AKAP19: variants seen among roughly 807,000 people sequenced by gnomAD.
The protein encoded by AKAP19 is A-kinase anchoring protein 19.
the AKAP19 span, among the ~76,000 whole-genome samples, chr2:190,192,450 A>ATG: frequency 3.2e-5 from 3 of 93,784 alleles, no homozygotes; most frequent in East Asian, 2.7e-4. Context: ...ATAATTCAGA[A>ATG]TCTGTGTGTG....
At chr2:189,943,722 G>C in the AKAP19 span, among the ~76,000 whole-genome samples, 1 of 152,214 alleles carries the variant, frequency 6.6e-6, no homozygotes, top group Non-Finnish European at 1.5e-5. Context: ...AGCCACAGAG[G>C]TGGAGCTCCC....
the AKAP19 span, among the ~76,000 whole-genome samples, chr2:189,941,441 T>C: frequency 6.6e-6 from 1 of 152,186 alleles, no homozygotes; most frequent in Admixed American, 6.5e-5. Flanking sequence ...TATAAAAATA[T>C]GTAAACTGAG....
At chr2:190,071,240 G>A in the AKAP19 span, among the ~76,000 whole-genome samples, 1 of 152,272 alleles carries the variant, frequency 6.6e-6, no homozygotes, top group East Asian at 1.9e-4. Flanking sequence ...TTGAGGCCAG[G>A]AGTTCAAGAC....
chr2:190,012,012 G>T, the AKAP19 span, among the ~76,000 whole-genome samples: 1 of 151,958 alleles, frequency 6.6e-6, no homozygotes, highest in Non-Finnish European at 1.5e-5. Flanking sequence ...TTAATCTGTA[G>T]ATCACTTTGG....
the AKAP19 span, among the ~76,000 whole-genome samples, chr2:189,984,058 G>T: frequency 6.6e-6 from 1 of 152,178 alleles, no homozygotes; most frequent in East Asian, 1.9e-4. Context: ...GAGGCAGGAC[G>T]AGATCACAGG....
At chr2:190,074,043 GAA>G in the AKAP19 span, among the ~76,000 whole-genome samples, 21 of 118,038 alleles carry the variant, frequency 1.8e-4, no homozygotes, top group African/African-American at 5.1e-4. Flanking sequence ...TTCCGTCTCA[GAA>G]AAAAAAAAAA....
chr2:190,192,222 A>G, the AKAP19 span, among the ~76,000 whole-genome samples: 2 of 151,972 alleles, frequency 1.3e-5, no homozygotes, highest in South Asian at 2.1e-4. Context: ...TCCTTTTTGC[A>G]TTCATTGTTT....
At chr2:189,897,987 C>T in the AKAP19 span, among the ~76,000 whole-genome samples, 1 of 151,928 alleles carries the variant, frequency 6.6e-6, no homozygotes, top group African/African-American at 2.4e-5. Context: ...GACGGTGGAT[C>T]GCTTGAGCCC....
the AKAP19 span, among the ~76,000 whole-genome samples, chr2:190,097,859 CA>C: frequency 0.064 from 4,144 of 64,498 alleles, 128 homozygotes; most frequent in African/African-American, 0.24. Flanking sequence ...TGGTTTCTAC[CA>C]AAAAAAAAAA....
the AKAP19 span, among the ~76,000 whole-genome samples, chr2:189,948,908 TA>T: frequency 6.6e-6 from 1 of 152,148 alleles, no homozygotes; most frequent in Non-Finnish European, 1.5e-5. Context: ...CTTTTTTTTT[TA>T]AGTTCTTTTG....
the AKAP19 span, among the ~76,000 whole-genome samples, chr2:190,184,018 T>C: frequency 6.6e-6 from 1 of 152,104 alleles, no homozygotes; most frequent in Non-Finnish European, 1.5e-5. Context: ...ATGCACAACA[T>C]GCACTAAGTC....
the AKAP19 span, among the ~76,000 whole-genome samples, chr2:190,145,837 A>ATG: frequency 1.4e-5 from 2 of 147,266 alleles, no homozygotes; most frequent in Non-Finnish European, 3.0e-5. Context: ...ATGTATATGT[A>ATG]TGTGTGTATA....
chr2:189,975,142 T>G, the AKAP19 span, among the ~76,000 whole-genome samples: 3 of 152,230 alleles, frequency 2.0e-5, no homozygotes. Context: ...CCGTGTTTAG[T>G]TCTTCCTTCA....
At chr2:189,950,596 AC>A in the AKAP19 span, among the ~76,000 whole-genome samples, 4 of 152,106 alleles carry the variant, frequency 2.6e-5, no homozygotes, top group Non-Finnish European at 5.9e-5. Context: ...GCAACAATTT[AC>A]ATCTTAATTA....
At chr2:190,108,187 C>T in the AKAP19 span, among the ~76,000 whole-genome samples, 1 of 152,196 alleles carries the variant, frequency 6.6e-6, no homozygotes, top group African/African-American at 2.4e-5. Flanking sequence ...AACAGAGTCT[C>T]ACTCTGTCCC....
At chr2:189,971,982 T>G in the AKAP19 span, among the ~76,000 whole-genome samples, 1 of 152,132 alleles carries the variant, frequency 6.6e-6, no homozygotes, top group African/African-American at 2.4e-5. Context: ...AGCTCTTTAG[T>G]TTAATTAGAT....
chr2:190,184,424 T>C, the AKAP19 span, among the ~76,000 whole-genome samples: 1,052 of 152,334 alleles, frequency 6.9e-3, 12 homozygotes, highest in African/African-American at 0.023. Context: ...TCTAACATAC[T>C]ATAGGCACAT....
chr2:190,000,559 C>A, the AKAP19 span, among the ~76,000 whole-genome samples: 1 of 152,182 alleles, frequency 6.6e-6, no homozygotes, highest in African/African-American at 2.4e-5. Context: ...AGGGGTTTCA[C>A]TTCTATAATG....
At chr2:190,113,337 A>G in the AKAP19 span, among the ~76,000 whole-genome samples, 127 of 152,306 alleles carry the variant, frequency 8.3e-4, 3 homozygotes, top group East Asian at 0.02. Flanking sequence ...CACTCAACAT[A>G]TATTTATGTG....
Sources: allele counts gnomAD v4.1 joint callset (sites outside exome capture counted in the v4.1 genomes callset), GRCh38; gene constraint gnomAD v4.1.1; transcripts MANE v1.5; gene names NCBI Gene and HGNC (gene_info 2026-07-23, HGNC 2026-07-21).